Variants in SCN9A observed in about 807,000 individuals in gnomAD.
The protein encoded by SCN9A is sodium channel protein type 9 subunit alpha.
In SCN9A, 131 loss-of-function variants were observed where a neutral mutation model predicts 187.0. The ratio of observed to expected loss-of-function variants is 0.70; its 90% CI spans 0.61 to 0.81. The LOEUF is 0.81. Among genes scored for constraint, SCN9A ranks in the 30% least tolerant of loss-of-function variants. The pLI is 0.00. For synonymous variants in SCN9A, 809 were observed against 808.6 expected, an observed-to-expected ratio of 1.00 and a Z score of -0.01; for missense variants, 2,252 against 2,396.6, an observed-to-expected ratio of 0.94 and a Z score of 1.26.
chr2:166,287,565 G>T (rs1697827692), intron 10 of SCN9A, among the ~76,000 whole-genome samples: 1 of 152,074 alleles, frequency 6.6e-6, no homozygotes, highest in African/African-American at 2.4e-5. Context: ...GCAGATGATT[G>T]CCCTCCCCTA....
intron 1 of SCN9A, among the ~76,000 whole-genome samples, chr2:166,373,413 A>G (rs1286053730): frequency 4.0e-5 from 6 of 151,516 alleles, no homozygotes; most frequent in Admixed American, 3.3e-4. Flanking sequence ...AGAAAATTAC[A>G]GAAGTGGAGA....
chr2:166,336,653 A>T (rs1398234037), intron 1 of SCN9A, among the ~76,000 whole-genome samples: 2 of 152,092 alleles, frequency 1.3e-5, no homozygotes, highest in Non-Finnish European at 2.9e-5. Context: ...CTTTGTTTAC[A>T]CTGTAAACGG....
At chr2:166,200,158 C>T (rs1194226552) in intron 26 of SCN9A, among the ~76,000 whole-genome samples, 20 of 148,316 alleles carry the variant, frequency 1.3e-4, no homozygotes, top group African/African-American at 5.0e-4. Context: ...CTACCACGCC[C>T]GGCTAATTTT....
chr2:166,367,950 T>C (rs1443593065), intron 1 of SCN9A, among the ~76,000 whole-genome samples: 2 of 152,268 alleles, frequency 1.3e-5, no homozygotes, highest in African/African-American at 2.4e-5. Context: ...TGATTTAGTA[T>C]GTTTGATTGC....
intron 1 of SCN9A, among the ~76,000 whole-genome samples, chr2:166,324,034 G>A (rs1699305344): frequency 6.6e-6 from 1 of 151,052 alleles, no homozygotes; most frequent in African/African-American, 2.4e-5. Flanking sequence ...CAAGGAGCAG[G>A]AAAATAGCTA....
intron 1 of SCN9A, among the ~76,000 whole-genome samples, chr2:166,343,133 T>C (rs2105285343): frequency 6.6e-6 from 1 of 152,244 alleles, no homozygotes; most frequent in South Asian, 2.1e-4. Flanking sequence ...ATTTTCTTGG[T>C]GAGGTGAAAA....
At chr2:166,268,558 CAAAT>C (rs1696841817) in intron 17 of SCN9A, among the ~76,000 whole-genome samples, 3 of 151,656 alleles carry the variant, frequency 2.0e-5, no homozygotes, top group Non-Finnish European at 4.4e-5. Context: ...ACATTTTAGA[CAAAT>C]AAATAAAATG....
chr2:166,311,277 A>C, intron 2 of SCN9A, among the ~76,000 whole-genome samples: 1 of 134,998 alleles, frequency 7.4e-6, no homozygotes, highest in Non-Finnish European at 1.6e-5. Flanking sequence ...TAGTATGCCA[A>C]TGCCAGAGCC....
chr2:166,291,928 G>T (rs954340175), intron 9 of SCN9A, among the ~76,000 whole-genome samples: 6 of 152,020 alleles, frequency 3.9e-5, no homozygotes, highest in African/African-American at 1.5e-4. Context: ...AACTCAAGAT[G>T]GATTAAAGAC....
At chr2:166,211,258 GA>G (rs36021400) in intron 24 of SCN9A, among the ~76,000 whole-genome samples, 18 of 151,876 alleles carry the variant, frequency 1.2e-4, no homozygotes, top group Non-Finnish European at 2.1e-4. Flanking sequence ...AATACTTAAA[GA>G]AAAAAACTGC....
chr2:166,336,117 G>C (rs996865873), intron 1 of SCN9A, among the ~76,000 whole-genome samples: 2 of 152,002 alleles, frequency 1.3e-5, no homozygotes, highest in African/African-American at 4.8e-5. Context: ...TGATACTGAG[G>C]GACAATTGTA....
chr2:166,287,287 T>C (rs1382297007), intron 10 of SCN9A, among the ~76,000 whole-genome samples: 5 of 152,082 alleles, frequency 3.3e-5, no homozygotes, highest in African/African-American at 1.2e-4. Context: ...TAATATTTCT[T>C]CCATTCTTTT....
intron 17 of SCN9A, among the ~76,000 whole-genome samples, chr2:166,259,855 A>T (rs1328213492): frequency 2.0e-5 from 3 of 151,836 alleles, no homozygotes; most frequent in African/African-American, 7.2e-5. Context: ...TCCAATGAAG[A>T]TGGAAAGATT....
In SCN9A at chr2:166,272,723, A is replaced by G; in HGVS notation, c.3027T>C (p.Phe1009=). ...GCTTTTTGGAAAATGCTTTTAGAAT[A>G]AATTCACGTAAGGTTTGTTTCACAT... ...INYVKQTLRE[F]ILKAFSKKPK... Residue 1009 remains phenylalanine (F), a synonymous_variant, in exon 17 of 27, where the codon TTT becomes TTC. Transcript: ENST00000642356. The G allele has an allele frequency of 6.3e-7, 1 of 1,590,984 alleles. No individual in the cohort carries two copies.
intron 7 of SCN9A, chr2:166,302,213 A>T (rs1698584288): frequency 4.6e-5 from 7 of 151,764 alleles, no homozygotes; most frequent in African/African-American, 1.7e-4. Context: ...ACCATCAGAT[A>T]GATACATTCC....
intron 21 of SCN9A, among the ~76,000 whole-genome samples, chr2:166,231,547 G>GTTTTTTT (rs1491461839): frequency 4.7e-5 from 3 of 64,328 alleles, no homozygotes; most frequent in African/African-American, 1.9e-4. Flanking sequence ...CCAAGAATTT[G>GTTTTTTT]CTTTTTTTTT....
intron 7 of SCN9A, chr2:166,302,324 C>A (rs970845319): frequency 4.6e-5 from 7 of 152,202 alleles, no homozygotes; most frequent in Admixed American, 4.6e-4. Context: ...GTTTAGAGAA[C>A]ATTCAATTCA....
intron 20 of SCN9A, among the ~76,000 whole-genome samples, chr2:166,236,403 G>A (rs914996692): frequency 2.7e-5 from 4 of 145,966 alleles, no homozygotes; most frequent in Non-Finnish European, 5.9e-5. Context: ...AATATGTTGT[G>A]TGATTAAGAA....
chr2:166,291,204 A>G lies in SCN9A; in HGVS notation c.1107+2027T>C, dbSNP rs544878908. Among the ~76,000 whole-genome samples, 336 of 152,348 alleles carry G rather than the reference A, an allele frequency of 2.2e-3. 1 individual carries two copies. Among genetic ancestry groups the G allele is most frequent in the Non-Finnish European group, 3.5e-3 (240 of 68,036 alleles). On this transcript the variant is annotated intron_variant, in intron 9 of 26. Coordinates refer to ENST00000642356, the MANE Select transcript of SCN9A (RefSeq NM_001365536.1). ...GATCATCTCAGCCCCAAAACTCTTT[A>G]AACTGATAAGCAACTTCAGCAAGGT... is the stretch of plus-strand genomic sequence containing the variant.
Sources: allele counts gnomAD v4.1 joint callset (sites outside exome capture counted in the v4.1 genomes callset), GRCh38; gene constraint gnomAD v4.1.1; transcripts MANE v1.5; gene names NCBI Gene and HGNC (gene_info 2026-07-23, HGNC 2026-07-21).